MYOF: variants seen among roughly 807,000 people sequenced by gnomAD.
MYOF encodes fer-1-like 3, myoferlin.
Under a neutral mutation model 284.2 loss-of-function variants are expected in MYOF, and 244 were observed. That is an observed-to-expected ratio of 0.86 (90% CI 0.77 to 0.95). The LOEUF (loss-of-function observed/expected upper bound fraction) is 0.95. Among genes scored for constraint, MYOF ranks in the 40% least tolerant of loss-of-function variants. The pLI is 0.00. For missense variants in MYOF, 2,496 were observed against 2,560.6 expected (o/e 0.97, Z 0.54); for synonymous variants, 904 against 919.7 (o/e 0.98, Z 0.31).
At chr10:93,335,082 G>T (rs1302852356) in intron 41 of MYOF, among the ~76,000 whole-genome samples, 1 of 152,216 alleles carries the variant, frequency 6.6e-6, no homozygotes, top group African/African-American at 2.4e-5. Flanking sequence ...CAGAGCAGGA[G>T]TGAGTCACGC....
chr10:93,456,108 A>G (rs1008313387), intron 2 of MYOF, among the ~76,000 whole-genome samples: 2 of 152,226 alleles, frequency 1.3e-5, no homozygotes, highest in African/African-American at 4.8e-5. Context: ...ATGCTTTTGA[A>G]TTATTAAAAT....
At chr10:93,413,402 T>C (rs1027896174) in intron 5 of MYOF, among the ~76,000 whole-genome samples, 7 of 152,166 alleles carry the variant, frequency 4.6e-5, no homozygotes, top group African/African-American at 1.2e-4. Context: ...CCACAAAGAA[T>C]GCTATGGGTT....
At chr10:93,417,018 C>A (rs558279198) in intron 5 of MYOF, among the ~76,000 whole-genome samples, 51 of 152,324 alleles carry the variant, frequency 3.3e-4, no homozygotes, top group African/African-American at 1.1e-3. Flanking sequence ...GGTTAAGTGA[C>A]ATGCCTACTG....
chr10:93,441,132 C>T (rs987972815), intron 3 of MYOF, among the ~76,000 whole-genome samples: 23 of 152,192 alleles, frequency 1.5e-4, no homozygotes, highest in Admixed American at 1.1e-3. Context: ...GCTATCCTAT[C>T]CTTCCTCACC....
At chr10:93,438,392 G>A (rs1036074509) in intron 3 of MYOF, among the ~76,000 whole-genome samples, 1 of 152,094 alleles carries the variant, frequency 6.6e-6, no homozygotes, top group African/African-American at 2.4e-5. Context: ...GCAGCAGCTC[G>A]TATCACAGGA....
intron 1 of MYOF, among the ~76,000 whole-genome samples, chr10:93,469,832 G>A (rs1235005548): frequency 6.6e-6 from 1 of 152,198 alleles, no homozygotes; most frequent in African/African-American, 2.4e-5. Flanking sequence ...CCTGCTGTAA[G>A]ACCTTGAGTG....
intron 5 of MYOF, among the ~76,000 whole-genome samples, chr10:93,415,003 C>G (rs961702952): frequency 9.2e-5 from 14 of 152,126 alleles, no homozygotes; most frequent in Non-Finnish European, 1.6e-4. Flanking sequence ...CTCGGCCTCC[C>G]AAAGTGCTGG....
chr10:93,481,996 T>G, intron 1 of MYOF, 111 bp downstream of exon 1: 1 of 1,024,630 alleles, frequency 9.8e-7, no homozygotes, highest in Non-Finnish European at 1.5e-6. Context: ...CAAACGCTGC[T>G]GGAGAGACTT....
intron 53 of MYOF, among the ~76,000 whole-genome samples, chr10:93,307,993 A>G (rs187544536): frequency 1.1e-4 from 16 of 150,552 alleles, no homozygotes; most frequent in Middle Eastern, 3.4e-3. Context: ...CTGTAATCCC[A>G]GCACTTTGGG....
intron 46 of MYOF, 23 bp from the exon 47 acceptor site, chr10:93,323,381 G>A: frequency 6.3e-7 from 1 of 1,580,080 alleles, no homozygotes; most frequent in Non-Finnish European, 8.6e-7. Flanking sequence ...AAAATGAAAA[G>A]AGGACTGAAG....
chr10:93,359,718 G>T, intron 29 of MYOF, 115 bp downstream of exon 29: 2 of 1,365,106 alleles, frequency 1.5e-6, no homozygotes, highest in Non-Finnish European at 2.0e-6. Context: ...CCCTTGAGTG[G>T]AGTGTTAGGC....
chr10:93,320,103 A>G (rs1270411817), intron 48 of MYOF, 90 bp from the exon 49 acceptor site: 4 of 1,468,428 alleles, frequency 2.7e-6, no homozygotes, highest in Non-Finnish European at 3.8e-6. Flanking sequence ...AGCAAAGAGC[A>G]GGAGAATTAA....
At chr10:93,481,708 T>C (rs985616693) in intron 1 of MYOF, among the ~76,000 whole-genome samples, 12 of 152,200 alleles carry the variant, frequency 7.9e-5, no homozygotes, top group African/African-American at 2.4e-4. Flanking sequence ...CAAGGAGTAA[T>C]GGTGTCTCCA....
chr10:93,364,775 T>C (rs1475235303), intron 26 of MYOF, among the ~76,000 whole-genome samples: 1 of 152,134 alleles, frequency 6.6e-6, no homozygotes, highest in African/African-American at 2.4e-5. Flanking sequence ...CCTACTCAAA[T>C]GAGGGTTTTT....
At chr10:93,314,515 G>T (rs1035225867) in intron 50 of MYOF, among the ~76,000 whole-genome samples, 2 of 152,208 alleles carry the variant, frequency 1.3e-5, no homozygotes, top group Non-Finnish European at 2.9e-5. Context: ...GATGACTGGG[G>T]CAAGAGTCTG....
At chr10:93,390,961 G>T (rs1846647605) in intron 17 of MYOF, among the ~76,000 whole-genome samples, 1 of 152,168 alleles carries the variant, frequency 6.6e-6, no homozygotes, top group African/African-American at 2.4e-5. Context: ...CCACAAATTG[G>T]CAGATTTAAC....
chr10:93,411,887 C>T (rs111648066), intron 5 of MYOF, among the ~76,000 whole-genome samples: 3 of 152,314 alleles, frequency 2.0e-5, no homozygotes, highest in African/African-American at 7.2e-5. Flanking sequence ...TAGATCATTG[C>T]AGCTCTCCTC....
At chr10:93,453,593 G>T (rs113769526) in intron 2 of MYOF, among the ~76,000 whole-genome samples, 1 of 151,550 alleles carries the variant, frequency 6.6e-6, no homozygotes, top group Non-Finnish European at 1.5e-5. Context: ...GCCACCACAC[G>T]TGGCCTCAGA....
intron 32 of MYOF, 151 bp downstream of exon 32, chr10:93,353,660 G>A: frequency 1.7e-6 from 1 of 572,546 alleles, no homozygotes; most frequent in South Asian, 2.6e-5. Context: ...TTTATCTAAT[G>A]ACTGAGCAGT....
Sources: allele counts gnomAD v4.1 joint callset (sites outside exome capture counted in the v4.1 genomes callset), GRCh38; gene constraint gnomAD v4.1.1; transcripts MANE v1.5; gene names NCBI Gene and HGNC (gene_info 2026-07-23, HGNC 2026-07-21).